The following DZIP1 variants were observed in gnomAD, a reference collection of about 807,000 sequenced individuals.
The protein encoded by DZIP1 is cilium assembly protein DZIP1.
DZIP1 carries 97 observed loss-of-function variants against 107.6 expected under a neutral mutation model. That is an observed-to-expected ratio of 0.90 (90% CI 0.77 to 1.07). The LOEUF (loss-of-function observed/expected upper bound fraction) is 1.07. Ranked by LOEUF, DZIP1 falls within the 50% of genes least tolerant of loss-of-function variation. DZIP1 has a pLI of 0.00. For missense variants in DZIP1, 1,035 were observed against 1,063.6 expected (o/e 0.97, Z 0.37); for synonymous variants, 390 against 386.4 (o/e 1.01, Z -0.11).
rs1289868693 is a variant in DZIP1, at chr13:95,606,761, T to G, written c.1421-702A>C. Among the ~76,000 whole-genome samples the G allele has an allele frequency of 3.3e-5, 5 of 152,346 alleles. No individual in the cohort carries two copies. In the East Asian group the frequency reaches 9.6e-4, roughly 29 times the overall value. The stretch of plus-strand genomic sequence containing the variant: ...CTAATCACTGGGCTGGAAGACATTA[T>G]GTGAAGGTATTAATTTAGGCACAGC... On this transcript the variant is annotated intron_variant, in intron 13 of 22. Transcript: ENST00000376829.
intron 15 of DZIP1, among the ~76,000 whole-genome samples, chr13:95,597,827 A>G (rs1386071238): frequency 6.6e-6 from 1 of 152,224 alleles, no homozygotes; most frequent in African/African-American, 2.4e-5. Flanking sequence ...TAAATTGTGT[A>G]GAGATTGCAC....
chr13:95,640,553 C>T lies in DZIP1; in HGVS notation c.597+742G>A, dbSNP rs1392146185. ...ATCATTGTTTATACCTTCTGCACTTCCTCCAACTAGTCAATAAAAAAAAAA... is the reference window on the plus strand; with the variant it reads ...ATCATTGTTTATACCTTCTGCACTTTCTCCAACTAGTCAATAAAAAAAAAA... On this transcript the variant is annotated intron_variant, in intron 5 of 22. Transcript: ENST00000376829. 2.6e-5 allele frequency among the ~76,000 whole-genome samples: 4 copies of T among 152,056 alleles called. No homozygotes were observed. In the East Asian group the frequency reaches 5.8e-4, roughly 22 times the overall value.
chr13:95,626,656 T>A (rs1876575619), intron 7 of DZIP1, among the ~76,000 whole-genome samples: 1 of 152,080 alleles, frequency 6.6e-6, no homozygotes, highest in African/African-American at 2.4e-5. Flanking sequence ...ACTAAAGTAA[T>A]AAACAAATTC....
At chr13:95,603,676 A>G (rs1426829067) in intron 14 of DZIP1, among the ~76,000 whole-genome samples, 2 of 152,174 alleles carry the variant, frequency 1.3e-5, no homozygotes, top group Non-Finnish European at 2.9e-5. Context: ...TGAAAATACT[A>G]CAAAAATTTA....
chr13:95,589,726 A>T, intron 18 of DZIP1, 77 bp downstream of exon 18: 1 of 1,514,116 alleles, frequency 6.6e-7, no homozygotes, highest in Admixed American at 2.3e-5. Flanking sequence ...GAAGCCACCC[A>T]GTCTATGGTA....
In DZIP1 at chr13:95,584,735, C is replaced by A. The variant is rs769562430; in HGVS notation, c.2524+1G>T. The stretch of plus-strand genomic sequence containing the variant: ...TTGTATTAGAGGGGAAAGCAGCAAA[C>A]CTTCTCCCTTTGGCCCCTTAGGATT... On this transcript the variant is annotated splice_donor_variant, in intron 22 of 22. Coordinates refer to ENST00000376829, the MANE Select transcript of DZIP1 (RefSeq NM_198968.4). LOFTEE classifies it high-confidence loss of function. The A allele has an allele frequency of 6.2e-6, 10 of 1,610,514 alleles. No individual in the cohort carries two copies. Among genetic ancestry groups the A allele is most frequent in the Non-Finnish European group, 8.5e-6 (10 of 1,178,368 alleles).
chr13:95,601,339 A>G (rs1167476308), intron 14 of DZIP1, among the ~76,000 whole-genome samples: 1 of 152,188 alleles, frequency 6.6e-6, no homozygotes, highest in Non-Finnish European at 1.5e-5. Context: ...CTAGACTTCA[A>G]ACGTCCCAGA....
chr13:95,586,127 A>C lies in DZIP1; in HGVS notation c.2228T>G (p.Val743Gly). The change falls in exon 21 of 23, where the codon GTT becomes GGT. Residue 743 changes from valine to glycine, a missense_variant. Val to Gly is a moderately radical substitution (Grantham distance 109). Transcript: ENST00000376829. The part of the protein sequence containing the change: ...DDSPKPAGVA[V>G]KTPTEKVEKM... ...TTCAACTTTTTCAGTAGGTGTTTTA[A>C]CGGCGACTCCTATAAGATCAATAAA... 1 of 1,609,086 alleles carries C rather than the reference A, an allele frequency of 6.2e-7. No individual in the cohort carries two copies. Among genetic ancestry groups the C allele is most frequent in the Non-Finnish European group, 8.5e-7 (1 of 1,178,586 alleles).
At chr13:95,584,267 G>A (rs1201871402) in intron 22 of DZIP1, among the ~76,000 whole-genome samples, 1 of 92,180 alleles carries the variant, frequency 1.1e-5, no homozygotes, top group African/African-American at 4.1e-5. Flanking sequence ...GAGCCACTGC[G>A]CCTGGCCAAA....
chr13:95,625,967 T>C (rs1252792217), intron 7 of DZIP1, among the ~76,000 whole-genome samples: 1 of 139,166 alleles, frequency 7.2e-6, no homozygotes, highest in Admixed American at 7.2e-5. Flanking sequence ...TACCAAAAAT[T>C]AAAAAAAAAA....
rs7993924 is a variant in DZIP1, at chr13:95,588,695, A to G, written c.2027+459T>C. Among the ~76,000 whole-genome samples the G allele has an allele frequency of 3.3e-5, 5 of 152,356 alleles. No individual in the cohort carries two copies. In the East Asian group the frequency reaches 9.6e-4, roughly 29 times the overall value. ...TAAATCAGTAGCACACAGGTGATGA[A>G]CAACTGGGCTAGGGTTTTTAGTATC... On this transcript the variant is annotated intron_variant, in intron 19 of 22. Coordinates refer to ENST00000376829, the MANE Select transcript of DZIP1 (RefSeq NM_198968.4).
intron 7 of DZIP1, among the ~76,000 whole-genome samples, chr13:95,627,612 G>A (rs990048837): frequency 6.2e-4 from 95 of 152,288 alleles, no homozygotes; most frequent in African/African-American, 2.1e-3. Flanking sequence ...CCAATAGGAT[G>A]GCTTTAATTA....
At chr13:95,638,622 C>T (rs1461659421) in intron 5 of DZIP1, among the ~76,000 whole-genome samples, 3 of 136,934 alleles carry the variant, frequency 2.2e-5, no homozygotes, top group South Asian at 2.5e-4. Context: ...GCCATCACTA[C>T]CCCCCTTATA....
At chr13:95,584,054 G>A (rs952728469) in intron 22 of DZIP1, among the ~76,000 whole-genome samples, 2 of 151,882 alleles carry the variant, frequency 1.3e-5, no homozygotes, top group South Asian at 2.1e-4. Context: ...TCAGCTCACT[G>A]CAACCTCCAC....
In DZIP1 at chr13:95,614,896, C is replaced by A. The variant is rs534234636; in HGVS notation, c.1174-2719G>T. On this transcript the variant is annotated intron_variant, in intron 10 of 22. Transcript: ENST00000376829. ...ATAGAAAGTTGGCAAATGCAACTTTCCCTAAACAGAGAAATACAATATGTG... is the reference window on the plus strand; with the variant it reads ...ATAGAAAGTTGGCAAATGCAACTTTACCTAAACAGAGAAATACAATATGTG... 2.6e-5 allele frequency among the ~76,000 whole-genome samples: 4 copies of A among 152,268 alleles called. No homozygotes were observed. In the South Asian group the frequency reaches 8.3e-4, roughly 32 times the overall value.
In DZIP1 at chr13:95,580,626, AGTT is replaced by A. The variant is rs2044000040; in HGVS notation, c.*1605_*1607del. ...GATTATAACAATAACTACATCGCAA[AGTT>A]GTTGTAATTAAATGAATTAGTGCGT... On this transcript the variant is annotated 3_prime_UTR_variant, in exon 23 of 23. Transcript: ENST00000376829. The A allele has an allele frequency of 6.6e-6, 1 of 152,178 alleles. No homozygotes were observed. The highest frequency in any genetic ancestry group is 6.5e-5 in the Admixed American group (1 of 15,280). 9.4% of individuals were successfully genotyped at this position (152,178 alleles called of 1,614,324 possible).
chr13:95,641,222 A>C lies in DZIP1; in HGVS notation c.597+73T>G. The C allele has an allele frequency of 6.7e-7, 1 of 1,501,220 alleles. No individual in the cohort carries two copies. Among genetic ancestry groups the C allele is most frequent in the South Asian group, 1.4e-5 (1 of 73,502 alleles). 93.0% of individuals were successfully genotyped at this position (1,501,220 alleles called of 1,614,324 possible). A position where few individuals can be genotyped will look rare whatever the true frequency, so the allele number is the denominator to read the frequency against. On this transcript the variant is annotated intron_variant, in intron 5 of 22. Transcript: ENST00000376829. The surrounding 1 kb of genome is among the most constrained non-coding windows in gnomAD (Gnocchi z 4.3). ...ATCTTTAAGAAGAAAGAGTGGTGAT[A>C]CGGGACAGGCCTATCAAATGGGAAC...
intron 19 of DZIP1, 70 bp from the exon 20 acceptor site, chr13:95,587,799 G>A: frequency 6.8e-7 from 1 of 1,476,946 alleles, no homozygotes; most frequent in Non-Finnish European, 9.1e-7. Context: ...ATTAAGAGAT[G>A]TGCCTCTTAA....
rs140179548 is a variant in DZIP1, at chr13:95,622,883, C to G, written c.973-403G>C. Among the ~76,000 whole-genome samples the G allele has an allele frequency of 4.4e-3, 666 of 152,076 alleles. 8 individuals carry two copies. Among genetic ancestry groups the G allele is most frequent in the African/African-American group, 0.015 (640 of 41,486 alleles). On this transcript the variant is annotated intron_variant, in intron 8 of 22. Transcript: ENST00000376829. ...TCAGCCTCCTAGGTAGCTGGGACTA[C>G]AGGCGTGCACCACCACACCCAGATA...
Sources: allele counts gnomAD v4.1 joint callset (sites outside exome capture counted in the v4.1 genomes callset), GRCh38; gene constraint gnomAD v4.1.1; non-coding constraint Gnocchi (gnomAD v3.1); transcripts MANE v1.5; gene names NCBI Gene and HGNC (gene_info 2026-07-23, HGNC 2026-07-21).